CDC25C: variants seen among roughly 807,000 people sequenced by gnomAD.
The protein encoded by CDC25C is cell division cycle 25C, also known as M-phase inducer phosphatase 3.
CDC25C carries 48 observed loss-of-function variants against 52.5 expected under a neutral mutation model. That is an observed-to-expected ratio of 0.91 (90% CI 0.72 to 1.16). CDC25C has a LOEUF of 1.16. Among genes scored for constraint, CDC25C ranks in the 50% most tolerant of loss-of-function variants. The pLI is 0.00. For missense variants in CDC25C, 510 were observed against 566.1 expected (o/e 0.90, Z 1.01); for synonymous variants, 187 against 206.5 (o/e 0.91, Z 0.81).
intron 7 of CDC25C, among the ~76,000 whole-genome samples, chr5:138,313,763 CA>C (rs1370950990): frequency 6.6e-6 from 1 of 152,104 alleles, no homozygotes; most frequent in Non-Finnish European, 1.5e-5. Context: ...GTACATTTCT[CA>C]TCCTGATAGC....
chr5:138,305,853 A>G (rs1429317239), intron 7 of CDC25C, among the ~76,000 whole-genome samples: 1 of 152,188 alleles, frequency 6.6e-6, no homozygotes, highest in Non-Finnish European at 1.5e-5. Flanking sequence ...TGCCCTTGTG[A>G]CCAACTAGAT....
At chr5:138,314,691 C>T (rs1381116349) in intron 7 of CDC25C, among the ~76,000 whole-genome samples, 1 of 149,950 alleles carries the variant, frequency 6.7e-6, no homozygotes, top group Non-Finnish European at 1.5e-5. Flanking sequence ...TCACTGCAAC[C>T]TCTGCCTCCT....
In CDC25C at chr5:138,285,489, A is replaced by C; in HGVS notation, c.*203T>G. ...TATGCAACTCAAGGCTGCCTTATAG[A>C]GCCAGCTCCAGGACTCTGCCACCAG... On this transcript the variant is annotated 3_prime_UTR_variant, in exon 14 of 14. Coordinates refer to ENST00000323760, the MANE Select transcript of CDC25C (RefSeq NM_001790.5). 1.7e-6 allele frequency: 1 copy of C among 600,622 alleles called. No individual in the cohort carries two copies. 37.2% of individuals were successfully genotyped at this position (600,622 alleles called of 1,614,324 possible).
chr5:138,330,986 C>T lies in CDC25C; in HGVS notation c.194+1G>A, dbSNP rs1345035257. The T allele has an allele frequency of 1.3e-6, 2 of 1,596,014 alleles. No individual in the cohort carries two copies. The highest frequency in any genetic ancestry group is 2.2e-5 in the East Asian group (1 of 44,790). ...CAGTGTAAAAATAAAAGTATATTTA[C>T]CCAGACAAAATGCTTAGGTTTGCAG... On this transcript the variant is annotated splice_donor_variant, in intron 2 of 13. Transcript: ENST00000323760. LOFTEE classifies it high-confidence loss of function.
In CDC25C at chr5:138,328,021, C is replaced by T. The variant is rs146468671; in HGVS notation, c.335+463G>A. Among the ~76,000 whole-genome samples, 15 of 152,292 alleles carry T rather than the reference C, an allele frequency of 9.8e-5. 1 individual carries two copies. The East Asian group carries it at 2.9e-3, about 29-fold the overall frequency. On this transcript the variant is annotated intron_variant, in intron 4 of 13. Coordinates refer to ENST00000323760, the MANE Select transcript of CDC25C (RefSeq NM_001790.5). Reference sequence around the variant, plus strand: ...AGCTGCGATTACAGGCATGTGCCACCACATCCAGCTAATTTTTGTATTTTT... The same window carrying T: ...AGCTGCGATTACAGGCATGTGCCACTACATCCAGCTAATTTTTGTATTTTT...
chr5:138,294,499 ATTTTTT>A (rs762737768), intron 7 of CDC25C, among the ~76,000 whole-genome samples: 1 of 95,986 alleles, frequency 1.0e-5, no homozygotes, highest in African/African-American at 4.3e-5. Flanking sequence ...CACTCAGCTA[ATTTTTT>A]TTTTTTTTTT....
intron 7 of CDC25C, among the ~76,000 whole-genome samples, chr5:138,315,605 T>C (rs1758814668): frequency 6.6e-6 from 1 of 152,224 alleles, no homozygotes; most frequent in Non-Finnish European, 1.5e-5. Flanking sequence ...ACCATTTGTG[T>C]GTATGTGATG....
rs34521148 is a variant in CDC25C at position 138,309,223 on chromosome 5, TA to T, written c.615+9995del. Among the ~76,000 whole-genome samples the T allele has an allele frequency of 5.7e-3, 814 of 143,510 alleles. 8 individuals are homozygous for T. Among genetic ancestry groups the T allele is most frequent in the East Asian group, 6.3e-3 (31 of 4,938 alleles). 94.1% of individuals were successfully genotyped at this position (143,510 alleles called of 152,430 possible). A position where few individuals can be genotyped will look rare whatever the true frequency, so the allele number is the denominator to read the frequency against. ...CATCAGGCTCTCAACAAACTGGTAT[TA>T]AAAAAAAAAAAAAAACATAAAAATA... On this transcript the variant is annotated intron_variant, in intron 7 of 13. Coordinates refer to ENST00000323760, the MANE Select transcript of CDC25C (RefSeq NM_001790.5).
intron 7 of CDC25C, among the ~76,000 whole-genome samples, chr5:138,310,622 T>G (rs1161346879): frequency 6.6e-6 from 1 of 152,220 alleles, no homozygotes; most frequent in African/African-American, 2.4e-5. Context: ...TTATGTGTAA[T>G]TAACTCATTC....
rs143737877 is a variant in CDC25C, at chr5:138,301,285, A to T, written c.616-9169T>A. On this transcript the variant is annotated intron_variant, in intron 7 of 13. Transcript: ENST00000323760. ...AGAGACATCACTATGGATTCTACAG[A>T]CACTAAAACGCTAATAAGGAAGTAT... Among the ~76,000 whole-genome samples the T allele has an allele frequency of 1.7e-3, 255 of 152,330 alleles. 2 individuals are homozygous for T. The highest frequency in any genetic ancestry group is 5.9e-3 in the African/African-American group (247 of 41,586).
At chr5:138,308,998 T>C (rs1758239886) in intron 7 of CDC25C, among the ~76,000 whole-genome samples, 2 of 152,188 alleles carry the variant, frequency 1.3e-5, no homozygotes, top group Non-Finnish European at 1.5e-5. Context: ...GCTTAGCACA[T>C]GGTGCCTACT....
chr5:138,333,328 G>A (rs1280116576), upstream of CDC25C: 1 of 152,116 alleles, frequency 6.6e-6, no homozygotes, highest in African/African-American at 2.4e-5. Flanking sequence ...AGAAACAAAA[G>A]TCAAAATGCA....
At chr5:138,303,885 G>A (rs1330599032) in intron 7 of CDC25C, among the ~76,000 whole-genome samples, 1 of 152,170 alleles carries the variant, frequency 6.6e-6, no homozygotes, top group East Asian at 1.9e-4. Flanking sequence ...GAATGAATAG[G>A]ACACAGTGTG....
At chr5:138,318,245 G>A (rs149559837) in intron 7 of CDC25C, among the ~76,000 whole-genome samples, 120 of 152,212 alleles carry the variant, frequency 7.9e-4, no homozygotes, top group African/African-American at 2.8e-3. Context: ...CCCAGGAGAC[G>A]GAGGTTGCAG....
chr5:138,336,135 G>GTT (rs11312274), upstream of CDC25C, among the ~76,000 whole-genome samples: 1 of 135,224 alleles, frequency 7.4e-6, no homozygotes, highest in Admixed American at 7.4e-5. Context: ...TTGTTCATTT[G>GTT]TTTTTTTTTT....
At chr5:138,325,757 G>T in intron 6 of CDC25C, 58 bp downstream of exon 6, 3 of 1,204,472 alleles carry the variant, frequency 2.5e-6, no homozygotes, top group Non-Finnish European at 2.5e-6. Flanking sequence ...ATGATACCAA[G>T]TTTCTTCACT....
At chr5:138,292,273 T>C (rs560587670) in intron 7 of CDC25C, among the ~76,000 whole-genome samples, 157 bp from the exon 8 acceptor site, 1 of 152,296 alleles carries the variant, frequency 6.6e-6, no homozygotes, top group Non-Finnish European at 1.5e-5. Flanking sequence ...TTTAACAAGA[T>C]GCCCAGGTGA....
In CDC25C at chr5:138,291,918, C is replaced by A. The variant is rs533244388; in HGVS notation, c.762+52G>T. On this transcript the variant is annotated intron_variant, in intron 8 of 13. Transcript: ENST00000323760. ...TAAAACAATCCTCATACCAGAAAAG[C>A]AAAGACATGAGATAGAAGATGAACA... 6.5e-4 allele frequency: 968 copies of A among 1,498,008 alleles called. 2 individuals are homozygous for A. Among genetic ancestry groups the A allele is most frequent in the Non-Finnish European group, 8.3e-4 (914 of 1,100,774 alleles). 92.8% of individuals were successfully genotyped at this position (1,498,008 alleles called of 1,614,324 possible).
At chr5:138,300,008 A>T (rs982736411) in intron 7 of CDC25C, among the ~76,000 whole-genome samples, 1 of 152,204 alleles carries the variant, frequency 6.6e-6, no homozygotes, top group African/African-American at 2.4e-5. Flanking sequence ...GAGACCACTT[A>T]GATGAAATGG....
Sources: gnomAD v4.1 joint callset for allele counts (sites outside exome capture counted in the v4.1 genomes callset) on GRCh38, gnomAD v4.1.1 for gene constraint, MANE v1.5 for transcripts, NCBI Gene and HGNC (gene_info 2026-07-23, HGNC 2026-07-21) for gene names.